ITK: variants seen among roughly 807,000 people sequenced by gnomAD.
The protein encoded by ITK is tyrosine-protein kinase ITK/TSK.
ITK carries 45 observed loss-of-function variants against 87.6 expected under a neutral mutation model. That is an observed-to-expected ratio of 0.51 (90% CI 0.40 to 0.66). The LOEUF (loss-of-function observed/expected upper bound fraction) is 0.66. Ranked by LOEUF, ITK falls within the 30% of genes least tolerant of loss-of-function variation. The pLI is 0.00. For missense variants in ITK, 605 were observed against 766.3 expected (o/e 0.79, Z 2.48); for synonymous variants, 303 against 273.6 (o/e 1.11, Z -1.06).
chr5:157,240,421 C>A (rs1316542689), intron 10 of ITK: 5 of 583,954 alleles, frequency 8.6e-6, no homozygotes, highest in East Asian at 5.9e-5. Context: ...CTGAAAGCAA[C>A]CCCCTGCCAC....
intron 1 of ITK, among the ~76,000 whole-genome samples, chr5:157,193,974 A>T (rs1047824913): frequency 1.3e-5 from 2 of 152,212 alleles, no homozygotes; most frequent in Non-Finnish European, 2.9e-5. Flanking sequence ...TCTTTGAACA[A>T]GATAAAAGTA....
chr5:157,223,087 G>A, intron 6 of ITK, 73 bp downstream of exon 6: 1 of 1,560,350 alleles, frequency 6.4e-7, no homozygotes, highest in Non-Finnish European at 8.8e-7. Context: ...AGGATGATTT[G>A]TCCTATCTCC....
intron 8 of ITK, among the ~76,000 whole-genome samples, chr5:157,235,722 A>G (rs1352882841): frequency 3.9e-5 from 6 of 152,258 alleles, no homozygotes; most frequent in African/African-American, 1.4e-4. Context: ...ACACTCTTAA[A>G]GTATAATGCA....
intron 1 of ITK, chr5:157,199,119 C>T (rs1414846755): frequency 6.6e-6 from 1 of 152,130 alleles, no homozygotes; most frequent in Non-Finnish European, 1.5e-5. Context: ...CTTAATGATT[C>T]AGAGACTATT....
intron 5 of ITK, among the ~76,000 whole-genome samples, chr5:157,218,161 A>G (rs1185530625): frequency 6.6e-6 from 1 of 152,042 alleles, no homozygotes; most frequent in African/African-American, 2.4e-5. Context: ...CTGATATCAA[A>G]TTGGGTGGCC....
intron 5 of ITK, among the ~76,000 whole-genome samples, chr5:157,221,634 A>T: frequency 6.6e-6 from 1 of 152,168 alleles, no homozygotes; most frequent in Admixed American, 6.5e-5. Flanking sequence ...GAAAGGTACT[A>T]TCATAATTTG....
At chr5:157,216,246 G>A (rs1754295947) in intron 4 of ITK, among the ~76,000 whole-genome samples, 1 of 152,132 alleles carries the variant, frequency 6.6e-6, no homozygotes, top group African/African-American at 2.4e-5. Flanking sequence ...AGGCTCACAG[G>A]ATTCCTGGTA....
At chr5:157,213,814 G>T (rs535306544) in intron 3 of ITK, 7 of 357,088 alleles carry the variant, frequency 2.0e-5, no homozygotes, top group South Asian at 1.4e-4. Context: ...TAGGAGAGGT[G>T]GGGGGTGGTA....
In ITK at chr5:157,254,039, G is replaced by A. The variant is rs79627475; in HGVS notation, c.*1361G>A. On this transcript the variant is annotated 3_prime_UTR_variant, in exon 17 of 17. Transcript: ENST00000422843. ...CTGCCCAAAGTGATGGAACTAGAAA[G>A]TCTAGAGCTGGTATTCTAGCCCAAA... is the stretch of plus-strand genomic sequence containing the variant. 0.017 allele frequency: 3,823 copies of A among 226,162 alleles called. 46 individuals carry two copies. Among genetic ancestry groups the A allele is most frequent in the Non-Finnish European group, 0.027 (3,016 of 113,584 alleles). 14.0% of individuals were successfully genotyped at this position (226,162 alleles called of 1,614,324 possible). A position where few individuals can be genotyped will look rare whatever the true frequency, so the allele number is the denominator to read the frequency against.
intron 8 of ITK, among the ~76,000 whole-genome samples, chr5:157,235,628 A>C (rs1249835948): frequency 1.3e-5 from 2 of 152,224 alleles, no homozygotes; most frequent in African/African-American, 2.4e-5. Flanking sequence ...GTGTCATTGA[A>C]GACTCAATGT....
chr5:157,209,490 C>G (rs1166769780), intron 2 of ITK, among the ~76,000 whole-genome samples: 1 of 152,106 alleles, frequency 6.6e-6, no homozygotes, highest in Non-Finnish European at 1.5e-5. Flanking sequence ...ACTTATTGAA[C>G]AAAAATTAAG....
chr5:157,235,920 A>G (rs931472019), intron 8 of ITK, among the ~76,000 whole-genome samples: 1 of 152,262 alleles, frequency 6.6e-6, no homozygotes, highest in South Asian at 2.1e-4. Context: ...TAGCAAACTT[A>G]GCATGTGATA....
At position 157,254,158 on chromosome 5, in the gene ITK, T is replaced by A. The variant is rs1394084113; in HGVS notation, c.*1480T>A. On this transcript the variant is annotated 3_prime_UTR_variant, in exon 17 of 17. Transcript: ENST00000422843. Reference sequence around the variant, plus strand: ...ATTGCAGAGGGAATAAATACAAAGATGGAAAGCCAGTAAAGAAGTCAGTAT... The same window carrying A: ...ATTGCAGAGGGAATAAATACAAAGAAGGAAAGCCAGTAAAGAAGTCAGTAT... 4.4e-6 allele frequency: 1 copy of A among 229,024 alleles called. No individual in the cohort carries two copies. The highest frequency in any genetic ancestry group is 6.2e-5 in the East Asian group (1 of 16,064). 14.2% of individuals were successfully genotyped at this position (229,024 alleles called of 1,614,324 possible).
rs73814049 is a variant in ITK at position 157,231,297 on chromosome 5, C to A, written c.714-1043C>A. On this transcript the variant is annotated intron_variant, in intron 7 of 16. Transcript: ENST00000422843. ...TCCCTTCCCATGCACTGAACTCAGG[C>A]AGACATCACCCTTTGATAGTGAAGC... 3.8e-3 allele frequency among the ~76,000 whole-genome samples: 580 copies of A among 152,318 alleles called. 5 individuals are homozygous for A. Among genetic ancestry groups the A allele is most frequent in the African/African-American group, 0.013 (536 of 41,560 alleles).
intron 7 of ITK, among the ~76,000 whole-genome samples, chr5:157,231,318 G>A (rs1754647409): frequency 6.6e-6 from 1 of 152,190 alleles, no homozygotes; most frequent in Non-Finnish European, 1.5e-5. Context: ...CTTTGATAGT[G>A]AAGCTATTTA....
chr5:157,201,989 C>T (rs2113747457), intron 1 of ITK, among the ~76,000 whole-genome samples: 1 of 152,270 alleles, frequency 6.6e-6, no homozygotes, highest in East Asian at 1.9e-4. Flanking sequence ...TCCCACCCTC[C>T]ACCCTCGAGT....
intron 1 of ITK, chr5:157,195,608 C>T (rs768609975): frequency 1.3e-4 from 20 of 152,202 alleles, no homozygotes; most frequent in Non-Finnish European, 2.4e-4. Context: ...TCCTACATCA[C>T]AGCAACCACG....
rs1376393570 is a variant in ITK at position 157,215,173 on chromosome 5, C to A, written c.454+854C>A. Among the ~76,000 whole-genome samples the A allele has an allele frequency of 2.6e-5, 4 of 152,228 alleles. No homozygotes were observed. The East Asian group carries it at 7.7e-4, about 29-fold the overall frequency. ...ATTCAGTATGCTCCGGGTCACACCG[C>A]TGGAAGTGCTCTGCAAATCCATTGT... On this transcript the variant is annotated intron_variant, in intron 4 of 16. Transcript: ENST00000422843.
chr5:157,221,631 A>G (rs1441069673), intron 5 of ITK, among the ~76,000 whole-genome samples: 1 of 152,150 alleles, frequency 6.6e-6, no homozygotes, highest in African/African-American at 2.4e-5. Context: ...ACAGAAAGGT[A>G]CTATCATAAT....
Sources: allele counts gnomAD v4.1 joint callset (sites outside exome capture counted in the v4.1 genomes callset), GRCh38; gene constraint gnomAD v4.1.1; transcripts MANE v1.5; gene names NCBI Gene and HGNC (gene_info 2026-07-23, HGNC 2026-07-21).